Variants in C3orf49 observed in about 807,000 individuals in gnomAD.
C3orf49 encodes putative uncharacterized protein C3orf49.
In C3orf49, 27 loss-of-function variants were observed where a neutral mutation model predicts 13.3. The observed-to-expected ratio is 2.02, with a 90% CI of 1.49 to 2.79. The LOEUF is 2.79. C3orf49 is among the 30% of genes most tolerant of loss of function. The pLI, the probability that C3orf49 is intolerant of heterozygous loss-of-function variation, is 0.00. For synonymous variants in C3orf49, 87 were observed against 47.6 expected, an observed-to-expected ratio of 1.83 and a Z score of -3.40; for missense variants, 242 against 134.2, an observed-to-expected ratio of 1.80 and a Z score of -3.97.
At chr3:63,826,001 C>T (rs1395159601) in intron 2 of C3orf49, among the ~76,000 whole-genome samples, 4 of 151,998 alleles carry the variant, frequency 2.6e-5, no homozygotes, top group Non-Finnish European at 5.9e-5. Context: ...AACAGTTTCC[C>T]AGGAATAAGG....
At chr3:63,804,762 G>A in the C3orf49 span, among the ~76,000 whole-genome samples, 1 of 152,154 alleles carries the variant, frequency 6.6e-6, no homozygotes, top group Admixed American at 6.5e-5. Context: ...TAATACTTTT[G>A]GGTATATTCA....
At chr3:63,841,282 T>C (rs1044829326) in intron 5 of C3orf49, among the ~76,000 whole-genome samples, 1 of 152,306 alleles carries the variant, frequency 6.6e-6, no homozygotes, top group East Asian at 1.9e-4. Flanking sequence ...CACAAGAAAC[T>C]TGTAATAGCG....
chr3:63,836,407 A>ATT (rs771675267), intron 5 of C3orf49: 763 of 1,570,536 alleles, frequency 4.9e-4, no homozygotes, highest in Non-Finnish European at 6.2e-4. Context: ...TTGAATGTGA[A>ATT]TTATCAAAAC....
At chr3:63,807,749 C>CGAGAG in the C3orf49 span, among the ~76,000 whole-genome samples, 2 of 149,002 alleles carry the variant, frequency 1.3e-5, no homozygotes, top group Non-Finnish European at 3.0e-5. Flanking sequence ...CCCAGCTACT[C>CGAGAG]GAGAGGTTGA....
At chr3:63,841,393 T>C (rs937981115) in intron 5 of C3orf49, among the ~76,000 whole-genome samples, 2 of 152,198 alleles carry the variant, frequency 1.3e-5, no homozygotes, top group African/African-American at 4.8e-5. Context: ...TTTTTTATAG[T>C]ACGCAGTAAT....
At position 63,845,015 on chromosome 3, in the gene C3orf49, CTT is replaced by C. The variant is rs769147310; in HGVS notation, c.850-7_850-6del. On this transcript the variant is annotated splice_region_variant and splice_polypyrimidine_tract_variant and intron_variant, in intron 5 of 6. Transcript: ENST00000295896. The stretch of plus-strand genomic sequence containing the variant: ...CTTTACATTTGTTGTAATTTTGTCT[CTT>C]GACAGATGACCACAAAAGGACCTGG... 77 of 695,946 alleles carry C rather than the reference CTT, an allele frequency of 1.1e-4. No homozygotes were observed. The South Asian group carries it at 1.1e-3, about 10-fold the overall frequency. The allele number at this position is 695,946 out of a possible 1,614,324, so 43.1% of individuals were successfully genotyped here. A position where few individuals can be genotyped will look rare whatever the true frequency, so the allele number is the denominator to read the frequency against.
upstream of C3orf49, among the ~76,000 whole-genome samples, chr3:63,814,968 C>A (rs1171961324): frequency 6.6e-6 from 1 of 152,210 alleles, no homozygotes; most frequent in Non-Finnish European, 1.5e-5. Flanking sequence ...TGGAAGCTCA[C>A]AATCCTGGCT....
the C3orf49 span, among the ~76,000 whole-genome samples, chr3:63,794,778 A>G: frequency 1.3e-5 from 2 of 152,080 alleles, no homozygotes; most frequent in Non-Finnish European, 2.9e-5. Context: ...CACTTGACCA[A>G]TCTCTCCTTG....
At chr3:63,840,637 T>A (rs1381573434) in intron 5 of C3orf49, among the ~76,000 whole-genome samples, 1 of 152,184 alleles carries the variant, frequency 6.6e-6, no homozygotes, top group Non-Finnish European at 1.5e-5. Flanking sequence ...ATGACAATGA[T>A]GGCCAACAAG....
At chr3:63,838,405 T>C in intron 5 of C3orf49, 2 of 1,573,164 alleles carry the variant, frequency 1.3e-6, no homozygotes, top group Non-Finnish European at 1.7e-6. Flanking sequence ...TAATTTTCCA[T>C]TTCTCTGAGA....
At chr3:63,810,754 G>T in the C3orf49 span, among the ~76,000 whole-genome samples, 4 of 152,120 alleles carry the variant, frequency 2.6e-5, no homozygotes, top group South Asian at 4.1e-4. Flanking sequence ...TCCACTAAAG[G>T]TATATTCTGA....
chr3:63,821,951 C>T (rs971800113), intron 1 of C3orf49, among the ~76,000 whole-genome samples: 2 of 151,922 alleles, frequency 1.3e-5, no homozygotes, highest in African/African-American at 4.8e-5. Flanking sequence ...GTAAAGAGCA[C>T]ACAGAATCTC....
chr3:63,834,241 C>T (rs769584752), intron 5 of C3orf49: 3 of 1,597,622 alleles, frequency 1.9e-6, no homozygotes, highest in Admixed American at 1.7e-5. Context: ...TCAAGTTTGC[C>T]TATATTTTAT....
chr3:63,837,897 A>T, intron 5 of C3orf49: 1 of 1,300,138 alleles, frequency 7.7e-7, no homozygotes, highest in Non-Finnish European at 1.1e-6. Flanking sequence ...TGCAGATTTT[A>T]CCTCACAACA....
chr3:63,835,287 TAGAC>T (rs777002257), intron 5 of C3orf49: 27 of 1,612,060 alleles, frequency 1.7e-5, no homozygotes, highest in Non-Finnish European at 2.2e-5. Flanking sequence ...GACAGACAGA[TAGAC>T]AGATCATGAA....
chr3:63,811,931 A>G, the C3orf49 span, among the ~76,000 whole-genome samples: 1 of 151,446 alleles, frequency 6.6e-6, no homozygotes, highest in Non-Finnish European at 1.5e-5. Context: ...ATTAATTTAA[A>G]ATTAAAAAAA....
the C3orf49 span, among the ~76,000 whole-genome samples, chr3:63,786,523 G>A: frequency 6.6e-6 from 1 of 152,126 alleles, no homozygotes; most frequent in Non-Finnish European, 1.5e-5. Flanking sequence ...TGGAAAGAAT[G>A]GGCTTTTATG....
chr3:63,790,083 G>A, the C3orf49 span, among the ~76,000 whole-genome samples: 8 of 152,180 alleles, frequency 5.3e-5, no homozygotes, highest in African/African-American at 1.9e-4. Context: ...ACACCTCTAT[G>A]CAAGTTTTCG....
At chr3:63,819,680 G>A in intron 1 of C3orf49, 84 bp downstream of exon 1, 1 of 685,118 alleles carries the variant, frequency 1.5e-6, no homozygotes, top group Non-Finnish European at 2.7e-6. Context: ...ATTGCATTTA[G>A]GAATGAGGAC....
Sources: gnomAD v4.1 joint callset for allele counts (sites outside exome capture counted in the v4.1 genomes callset) on GRCh38, gnomAD v4.1.1 for gene constraint, MANE v1.5 for transcripts, NCBI Gene and HGNC (gene_info 2026-07-23, HGNC 2026-07-21) for gene names.